Variants in CAPZA1 observed in about 807,000 individuals in gnomAD.
CAPZA1 encodes the protein capping actin protein of muscle Z-line subunit alpha 1.
In CAPZA1, 10 loss-of-function variants were observed where a neutral mutation model predicts 40.8. The observed-to-expected ratio is 0.25, with a 90% CI of 0.15 to 0.42. The LOEUF (loss-of-function observed/expected upper bound fraction) is 0.42, where lower values mean the gene tolerates loss of function less well. Ranked by LOEUF, CAPZA1 falls within the 10% of genes least tolerant of loss-of-function variation. The probability of loss-of-function intolerance (pLI) is 1.00; values close to 1 mark genes in which losing one functional copy is unlikely to be tolerated. For missense variants in CAPZA1, 277 were observed against 353.8 expected (o/e 0.78, Z 1.74); for synonymous variants, 98 against 115.0 (o/e 0.85, Z 0.95).
intron 1 of CAPZA1, among the ~76,000 whole-genome samples, chr1:112,625,439 G>A (rs1670786989): frequency 6.6e-6 from 1 of 152,176 alleles, no homozygotes; most frequent in Non-Finnish European, 1.5e-5. Context: ...GAGGGAAAAA[G>A]TTTCCAAGGC....
At chr1:112,621,943 A>G (rs1364365700) in intron 1 of CAPZA1, among the ~76,000 whole-genome samples, 2 of 151,678 alleles carry the variant, frequency 1.3e-5, no homozygotes, top group African/African-American at 4.8e-5. Flanking sequence ...TTGTATTTTT[A>G]GTAGAGACGG....
At chr1:112,623,447 G>A (rs961860765) in intron 1 of CAPZA1, among the ~76,000 whole-genome samples, 14 of 152,152 alleles carry the variant, frequency 9.2e-5, no homozygotes, top group African/African-American at 2.4e-4. Flanking sequence ...CTGGGAGGCC[G>A]AGGCAGGTGC....
rs12074157 is a variant in CAPZA1 at position 112,659,764 on chromosome 1, C to T, written c.570C>T (p.Gly190=). ...TITPPTAQVV[G]VLKIQVHYYE... ...CACCACCTACAGCCCAGGTGGTTGG[C>T]GTGCTTAAGATTCAGGTGAGATTCC... The change falls in exon 7 of 10, where the codon GGC becomes GGT. Residue 190 remains glycine, a synonymous_variant. Transcript: ENST00000263168. 9,455 of 1,612,534 alleles carry T rather than the reference C, an allele frequency of 5.9e-3. 488 individuals carry two copies. The African/African-American group carries it at 0.11, about 19-fold the overall frequency.
intron 1 of CAPZA1, among the ~76,000 whole-genome samples, chr1:112,627,087 T>C (rs1369794313): frequency 6.6e-6 from 1 of 152,220 alleles, no homozygotes; most frequent in Non-Finnish European, 1.5e-5. Flanking sequence ...TAGAGTAAAC[T>C]GAGGCACAGG....
At chr1:112,664,664 A>C (rs559007929) in intron 7 of CAPZA1, among the ~76,000 whole-genome samples, 1 of 152,140 alleles carries the variant, frequency 6.6e-6, no homozygotes, top group Non-Finnish European at 1.5e-5. Context: ...GGCCTAGCGC[A>C]GTGGCTCATG....
intron 1 of CAPZA1, 124 bp downstream of exon 1, chr1:112,620,007 G>C (rs1435666255): frequency 9.6e-6 from 7 of 731,562 alleles, no homozygotes; most frequent in Non-Finnish European, 1.6e-5. Flanking sequence ...GCTGACATAC[G>C]CTCTCCGCAG....
chr1:112,654,788 C>T, intron 5 of CAPZA1, 117 bp downstream of exon 5: 1 of 598,038 alleles, frequency 1.7e-6, no homozygotes, highest in Non-Finnish European at 2.9e-6. Flanking sequence ...CTCTTCTCCT[C>T]TGCATTTTAT....
intron 5 of CAPZA1, among the ~76,000 whole-genome samples, chr1:112,655,635 T>A (rs897868939): frequency 1.3e-5 from 2 of 152,142 alleles, no homozygotes; most frequent in African/African-American, 4.8e-5. Flanking sequence ...CCGTGTCAGC[T>A]CAATGTCACC....
chr1:112,641,194 TGA>T (rs1671149755), intron 1 of CAPZA1, among the ~76,000 whole-genome samples: 1 of 150,362 alleles, frequency 6.7e-6, no homozygotes, highest in Non-Finnish European at 1.5e-5. Flanking sequence ...TCCCCCTCTG[TGA>T]GAAACACCCA....
At chr1:112,639,949 TCCGGGAGGGAGGTGGGGGGGTCAGC>T (rs1443869884) in intron 1 of CAPZA1, among the ~76,000 whole-genome samples, 4 of 129,734 alleles carry the variant, frequency 3.1e-5, no homozygotes, top group Admixed American at 1.5e-4. Flanking sequence ...AGCCGCCCCG[TCCGGGAGGGAGGTGGGGGGGTCAGC>T]CCCCCGCCCG....
At chr1:112,661,530 C>T (rs1031118611) in intron 7 of CAPZA1, among the ~76,000 whole-genome samples, 3 of 152,198 alleles carry the variant, frequency 2.0e-5, no homozygotes, top group African/African-American at 7.2e-5. Context: ...CTTGGGGTCT[C>T]CTTCTGGGAA....
chr1:112,645,844 C>A (rs1420309994), intron 1 of CAPZA1, among the ~76,000 whole-genome samples: 1 of 151,382 alleles, frequency 6.6e-6, no homozygotes, highest in Non-Finnish European at 1.5e-5. Flanking sequence ...TGCCTGTAGT[C>A]CCAGCTACTC....
At chr1:112,645,743 A>T in intron 1 of CAPZA1, among the ~76,000 whole-genome samples, 1 of 151,948 alleles carries the variant, frequency 6.6e-6, no homozygotes, top group East Asian at 1.9e-4. Flanking sequence ...GTGCAAAAAA[A>T]AAAAAAAAAA....
chr1:112,638,961 T>TAG (rs1671081065), intron 1 of CAPZA1, among the ~76,000 whole-genome samples: 1 of 131,604 alleles, frequency 7.6e-6, no homozygotes, highest in African/African-American at 3.7e-5. Flanking sequence ...GATAGAGATA[T>TAG]ATATAGAGAG....
chr1:112,668,047 AG>A (rs1315690417), intron 8 of CAPZA1, among the ~76,000 whole-genome samples: 1 of 151,976 alleles, frequency 6.6e-6, no homozygotes, highest in Non-Finnish European at 1.5e-5. Flanking sequence ...GCACTTTGGG[AG>A]GTCGAGGCAG....
intron 1 of CAPZA1, among the ~76,000 whole-genome samples, chr1:112,643,147 A>G (rs914938335): frequency 6.6e-6 from 1 of 152,176 alleles, no homozygotes; most frequent in Non-Finnish European, 1.5e-5. Context: ...TAAATAAGAG[A>G]TTGATACCAA....
At chr1:112,632,716 C>T (rs1007730669) in intron 1 of CAPZA1, among the ~76,000 whole-genome samples, 1 of 152,152 alleles carries the variant, frequency 6.6e-6, no homozygotes, top group African/African-American at 2.4e-5. Flanking sequence ...AGCAATTATT[C>T]CCTAGAGTTT....
chr1:112,659,835 G>C (rs1671569615), intron 7 of CAPZA1, 56 bp downstream of exon 7: 1 of 1,366,488 alleles, frequency 7.3e-7, no homozygotes, highest in East Asian at 2.4e-5. Flanking sequence ...AACATGTGCA[G>C]GTTGCTTTGG....
At chr1:112,660,888 C>T (rs1313908977) in intron 7 of CAPZA1, among the ~76,000 whole-genome samples, 2 of 127,244 alleles carry the variant, frequency 1.6e-5, no homozygotes, top group Non-Finnish European at 3.1e-5. Flanking sequence ...GGAGGAGTCT[C>T]GCTCTGTCGC....
Sources: gnomAD v4.1 joint callset for allele counts (sites outside exome capture counted in the v4.1 genomes callset) on GRCh38, gnomAD v4.1.1 for gene constraint, MANE v1.5 for transcripts, NCBI Gene and HGNC (gene_info 2026-07-23, HGNC 2026-07-21) for gene names.